Variants in FRYL observed in about 807,000 individuals in gnomAD.
The protein encoded by FRYL is FRY like transcription coactivator.
Under a neutral mutation model 351.2 loss-of-function variants are expected in FRYL, and 150 were observed. The ratio of observed to expected loss-of-function variants is 0.43; its 90% CI spans 0.37 to 0.49. The LOEUF (loss-of-function observed/expected upper bound fraction) is 0.49, where lower values mean the gene tolerates loss of function less well. Ranked by LOEUF, FRYL falls within the 20% of genes least tolerant of loss-of-function variation. The pLI is 0.00. For missense variants in FRYL, 3,036 were observed against 3,619.3 expected (o/e 0.84, Z 4.13); for synonymous variants, 1,153 against 1,257.1 (o/e 0.92, Z 1.75).
intron 1 of FRYL, among the ~76,000 whole-genome samples, chr4:48,754,467 T>G (rs968218348): frequency 6.6e-6 from 1 of 152,228 alleles, no homozygotes; most frequent in Non-Finnish European, 1.5e-5. Flanking sequence ...AGTGTTTGTT[T>G]GAATACCTGT....
intron 1 of FRYL, among the ~76,000 whole-genome samples, chr4:48,750,128 CATCT>C (rs1475200938): frequency 1.5e-4 from 21 of 142,142 alleles, no homozygotes; most frequent in Non-Finnish European, 3.0e-5. Flanking sequence ...AACAAGACTC[CATCT>C]ATTAAAAAAA....
At chr4:48,755,550 C>T (rs190492434) in intron 1 of FRYL, among the ~76,000 whole-genome samples, 182 of 152,272 alleles carry the variant, frequency 1.2e-3, no homozygotes, top group African/African-American at 4.1e-3. Flanking sequence ...AGAAACGTTG[C>T]AAAATCTCCA....
Position 48,567,187 on chromosome 4 carries a change from A to G in FRYL, c.3169+61T>C. On this transcript the variant is annotated intron_variant, in intron 28 of 63. Coordinates refer to ENST00000358350, the MANE Select transcript of FRYL (RefSeq NM_015030.2). This position sits in a 1 kb window ranked among gnomAD's most constrained non-coding sequence, Gnocchi z 4.2. ...CAACTTAGATTATTAAACCTCAAGG[A>G]AAGAAAAAATATGACGGTTCCTTAA... 7.1e-7 allele frequency: 1 copy of G among 1,401,298 alleles called. No homozygotes were observed. 86.8% of individuals were successfully genotyped at this position (1,401,298 alleles called of 1,614,324 possible). A position where few individuals can be genotyped will look rare whatever the true frequency, so the allele number is the denominator to read the frequency against.
intron 1 of FRYL, among the ~76,000 whole-genome samples, chr4:48,745,123 T>C (rs753852223): frequency 1.3e-4 from 20 of 151,916 alleles, no homozygotes; most frequent in Non-Finnish European, 2.4e-4. Flanking sequence ...CAGAATTGAG[T>C]TTTAGAAAGA....
chr4:48,526,666 C>T (rs532442989), intron 53 of FRYL, among the ~76,000 whole-genome samples: 43 of 152,256 alleles, frequency 2.8e-4, no homozygotes, highest in African/African-American at 1.0e-3. Flanking sequence ...TAGAGAACTG[C>T]AGATAAACAG....
intron 19 of FRYL, among the ~76,000 whole-genome samples, chr4:48,584,191 G>GT (rs999178333): frequency 1.1e-4 from 16 of 152,298 alleles, no homozygotes; most frequent in African/African-American, 3.8e-4. Flanking sequence ...AATTATGCTA[G>GT]TAATTGACTA....
Position 48,512,612 on chromosome 4 carries a change from T to C in FRYL, c.8014A>G (p.Ile2672Val), listed in dbSNP as rs747893777. 2 of 1,613,928 alleles carry C rather than the reference T, an allele frequency of 1.2e-6. No homozygotes were observed. Among genetic ancestry groups the C allele is most frequent in the Admixed American group, 1.7e-5 (1 of 59,986 alleles). Residue 2672 changes from isoleucine to valine, a missense_variant, in exon 57 of 64, where the codon ATA (isoleucine) becomes GTA (valine). Transcript: ENST00000358350. ...TATGCCACGGGCTGAAAGGCGGCTA[T>C]GATGGCAGAAAGAAATGGTGACGGC... ...PLPSPFLSAI[I>V]AAFQPVAYDD...
intron 1 of FRYL, among the ~76,000 whole-genome samples, chr4:48,726,262 T>C (rs1770073594): frequency 6.6e-6 from 1 of 152,214 alleles, no homozygotes; most frequent in Non-Finnish European, 1.5e-5. Context: ...ATTAACAACA[T>C]TATCCATTTT....
intron 3 of FRYL, among the ~76,000 whole-genome samples, chr4:48,666,264 G>A (rs1761698357): frequency 6.6e-6 from 1 of 152,190 alleles, no homozygotes; most frequent in Non-Finnish European, 1.5e-5. Flanking sequence ...CTACTCGGGA[G>A]GCCGAGGCAG....
intron 1 of FRYL, among the ~76,000 whole-genome samples, chr4:48,734,510 G>A (rs1396740784): frequency 1.3e-5 from 2 of 152,160 alleles, no homozygotes; most frequent in African/African-American, 4.8e-5. Context: ...AGAATCAGAA[G>A]CAGTAAGGAC....
At chr4:48,605,438 T>C (rs1249624997) in intron 11 of FRYL, among the ~76,000 whole-genome samples, 4 of 152,178 alleles carry the variant, frequency 2.6e-5, no homozygotes, top group Non-Finnish European at 5.9e-5. Flanking sequence ...ATTTTTGAGA[T>C]TTTAATTAGA....
chr4:48,750,321 C>T (rs1017151881), intron 1 of FRYL, among the ~76,000 whole-genome samples: 3 of 151,624 alleles, frequency 2.0e-5, no homozygotes, highest in Non-Finnish European at 2.9e-5. Context: ...ATCTGCCAGG[C>T]GTGGTGGCAT....
At chr4:48,553,615 G>C (rs1305563990) in intron 35 of FRYL, among the ~76,000 whole-genome samples, 1 of 150,874 alleles carries the variant, frequency 6.6e-6, no homozygotes, top group Non-Finnish European at 1.5e-5. Context: ...TATGTTTAGC[G>C]GTTTAGTGGT....
chr4:48,689,736 G>C (rs989974743), intron 2 of FRYL, among the ~76,000 whole-genome samples: 22 of 152,134 alleles, frequency 1.4e-4, no homozygotes, highest in African/African-American at 5.3e-4. Flanking sequence ...TGAAAGAGGT[G>C]GAGATGTCAT....
chr4:48,753,692 T>C (rs1773480448), intron 1 of FRYL, among the ~76,000 whole-genome samples: 1 of 152,228 alleles, frequency 6.6e-6, no homozygotes, highest in Non-Finnish European at 1.5e-5. Context: ...TGGTGTCTTA[T>C]TTAAGAAAGT....
At chr4:48,551,378 TCACTCGAA>T in intron 37 of FRYL, 108 bp downstream of exon 37, 1 of 570,334 alleles carries the variant, frequency 1.8e-6, no homozygotes, top group African/African-American at 1.9e-5. Context: ...TATATTTTTT[TCACTCGAA>T]TTTTAACACA....
chr4:48,624,238 A>AT (rs1382857085), intron 4 of FRYL, among the ~76,000 whole-genome samples: 2 of 151,978 alleles, frequency 1.3e-5, no homozygotes, highest in African/African-American at 2.4e-5. Flanking sequence ...ATACCAGAAT[A>AT]TTTTTTTTAA....
At chr4:48,661,712 T>A (rs1406510002) in intron 3 of FRYL, among the ~76,000 whole-genome samples, 1 of 152,214 alleles carries the variant, frequency 6.6e-6, no homozygotes, top group Non-Finnish European at 1.5e-5. Context: ...CCAATTGAAA[T>A]GTATTAAATG....
chr4:48,620,864 G>C (rs1387386972), intron 5 of FRYL, 86 bp from the exon 6 acceptor site: 3 of 1,171,282 alleles, frequency 2.6e-6, no homozygotes, highest in East Asian at 2.5e-5. Flanking sequence ...ATTTAGAAAT[G>C]AATAAACACA....
Sources: allele counts gnomAD v4.1 joint callset (sites outside exome capture counted in the v4.1 genomes callset), GRCh38; gene constraint gnomAD v4.1.1; non-coding constraint Gnocchi (gnomAD v3.1); transcripts MANE v1.5; gene names NCBI Gene and HGNC (gene_info 2026-07-23, HGNC 2026-07-21).